The following CENPB variants were observed in gnomAD, a reference collection of about 807,000 sequenced individuals.
The protein encoded by CENPB is major centromere autoantigen B.
Under a neutral mutation model 41.9 loss-of-function variants are expected in CENPB, and 19 were observed. That is an observed-to-expected ratio of 0.45 (90% confidence interval 0.32 to 0.67). The LOEUF (loss-of-function observed/expected upper bound fraction) is 0.67, where lower values mean the gene tolerates loss of function less well. Among genes scored for constraint, CENPB ranks in the 30% least tolerant of loss-of-function variants. The probability of loss-of-function intolerance (pLI) is 0.04; values close to 1 mark genes in which losing one functional copy is unlikely to be tolerated. For missense variants in CENPB, 614 were observed against 816.2 expected, an observed-to-expected ratio of 0.75 and a Z score of 3.02; for synonymous variants, 399 against 354.4, an observed-to-expected ratio of 1.13 and a Z score of -1.41.
rs1380923882 is a variant in CENPB at position 3,785,829 on chromosome 20, G to A, written c.655C>T (p.Arg219Cys). The A allele has an allele frequency of 1.9e-6, 3 of 1,608,986 alleles. No homozygotes were observed. Among genetic ancestry groups the A allele is most frequent in the Non-Finnish European group, 2.5e-6 (3 of 1,178,168 alleles). The change falls in exon 1 of 1, where the codon CGT (arginine) becomes TGT (cysteine). Residue 219 changes from arginine (R) to cysteine (C), a missense_variant. Physicochemically the swap from Arg to Cys is radical, Grantham distance 180. Around this residue, in one of 2 missense-constraint regions of CENPB, gnomAD observed 537 missense variants for 629.4 expected, o/e 0.85. Transcript: ENST00000379751. The stretch of plus-strand genomic sequence containing the variant: ...ACGCTCAGGCGCTGGGTGGCTTGAC[G>A]CGGCCGTCCGTCGCCTCCGCACAGC... Reference protein sequence around the residue: ...AGLCGGDGRPRQATQRLSVLL... With the variant: ...AGLCGGDGRPCQATQRLSVLL...
At position 3,785,168 on chromosome 20, in the gene CENPB, C is replaced by T. The variant is rs1249512778; in HGVS notation, c.1316G>A (p.Gly439Glu). 7 of 1,109,818 alleles carry T rather than the reference C, an allele frequency of 6.3e-6. No individual in the cohort carries two copies. The South Asian group carries it at 6.7e-5, about 11-fold the overall frequency. 68.7% of individuals were successfully genotyped at this position (1,109,818 alleles called of 1,614,324 possible). Residue 439 changes from glycine (G) to glutamate (E), a missense_variant, in exon 1 of 1, where the codon GGA (glycine) becomes GAA (glutamate). Physicochemically the swap from Gly to Glu is moderately conservative, Grantham distance 98 (BLOSUM62 -2). Coordinates refer to ENST00000379751, the MANE Select transcript of CENPB (RefSeq NM_001810.6). ...GEEEEEEGGE[G>E]EELGEEEEVE... ...CTCCTCTTCCTCCCCCAATTCCTCT[C>T]CTTCCCCCCCTTCCTCCTCCTCCTC...
rs974688634 is a variant in CENPB at position 3,784,331 on chromosome 20, C to G, written c.*353G>C. On this transcript the variant is annotated 3_prime_UTR_variant, in exon 1 of 1. Coordinates refer to ENST00000379751, the MANE Select transcript of CENPB (RefSeq NM_001810.6). The surrounding 1 kb of genome is among the most constrained non-coding windows in gnomAD (Gnocchi z 5.2). ...ACGTGGATGGCAGAGGGGAGAGGCACTCTCCGGCCGGGAACCTCCAGGGCC... is the reference window on the plus strand; with the variant it reads ...ACGTGGATGGCAGAGGGGAGAGGCAGTCTCCGGCCGGGAACCTCCAGGGCC... The G allele has an allele frequency of 8.1e-6, 2 of 247,722 alleles. No homozygotes were observed. 15.3% of individuals were successfully genotyped at this position (247,722 alleles called of 1,614,324 possible).
Position 3,785,142 on chromosome 20 carries a change from C to T in CENPB, c.1342G>A (p.Val448Met). 6.3e-7 allele frequency: 1 copy of T among 1,584,616 alleles called. No homozygotes were observed. Among genetic ancestry groups the T allele is most frequent in the Non-Finnish European group, 8.6e-7 (1 of 1,163,726 alleles). ...CTATCAACATCACCCTCCTCCTCCA[C>T]CTCCTCTTCCTCCCCCAATTCCTCT... ...EGEELGEEEE[V>M]EEEGDVDSDE... The change falls in exon 1 of 1, where the codon GTG becomes ATG. Residue 448 changes from valine to methionine, a missense_variant. By Grantham distance (21) the Val-to-Met change is conservative. Coordinates refer to ENST00000379751, the MANE Select transcript of CENPB (RefSeq NM_001810.6).
Position 3,785,241 on chromosome 20 carries a change from C to G in CENPB, c.1243G>C (p.Glu415Gln), listed in dbSNP as rs529107942. Residue 415 changes from glutamate (E) to glutamine (Q), a missense_variant, in exon 1 of 1, where the codon GAG becomes CAG. Around this residue, in one of 2 missense-constraint regions of CENPB, gnomAD observed 537 missense variants for 629.4 expected, o/e 0.85. Transcript: ENST00000379751. ...GEEEEEEEEE[E>Q]EEEEGEGEEE... ...TCTCCTTCACCCTCTTCCTCCTCCT[C>G]TTCTTCCTCCTCCTCCTCCTCTTCC... 1.9e-6 allele frequency: 3 copies of G among 1,554,748 alleles called. No homozygotes were observed. In the South Asian group the frequency reaches 3.5e-5, roughly 18 times the overall value.
In CENPB at chr20:3,786,542, C is replaced by T. The variant is rs1021553230; in HGVS notation, c.-59G>A. On this transcript the variant is annotated 5_prime_UTR_variant, in exon 1 of 1. Transcript: ENST00000379751. ...GCCGCCGCCGCCCCGGGGCGGGGGG[C>T]CCGGGCCCGTGGCGGGGGGCACCTG... The T allele has an allele frequency of 9.2e-5, 48 of 523,710 alleles. No homozygotes were observed. The African/African-American group carries it at 1.0e-3, about 11-fold the overall frequency. The allele number at this position is 523,710 out of a possible 1,614,324, so 32.4% of individuals were successfully genotyped here.
At position 3,785,594 on chromosome 20, in the gene CENPB, C is replaced by T; in HGVS notation, c.890G>A (p.Gly297Asp). 3 of 1,601,216 alleles carry T rather than the reference C, an allele frequency of 1.9e-6. No homozygotes were observed. Among genetic ancestry groups the T allele is most frequent in the South Asian group, 1.1e-5 (1 of 89,566 alleles). ...GTCCAAGGACTGGGCAGCCAAGCGG[C>T]CGGCCAACAGCAGGACCCGGCGAGA... ...AESRRVLLLAGRLAAQSLDTS... is the reference protein window; with the variant it reads ...AESRRVLLLADRLAAQSLDTS... Residue 297 changes from glycine (G) to aspartate (D), a missense_variant, in exon 1 of 1, where the codon GGC becomes GAC. Transcript: ENST00000379751.
At position 3,785,587 on chromosome 20, in the gene CENPB, C is replaced by T; in HGVS notation, c.897G>A (p.Leu299=). Residue 299 remains leucine, a synonymous_variant, in exon 1 of 1, where the codon TTG becomes TTA. Transcript: ENST00000379751. ...CCGAGGTGTCCAAGGACTGGGCAGC[C>T]AAGCGGCCGGCCAACAGCAGGACCC... ...SRRVLLLAGR[L]AAQSLDTSGL... 6.2e-7 allele frequency: 1 copy of T among 1,601,062 alleles called. No homozygotes were observed. The highest frequency in any genetic ancestry group is 8.5e-7 in the Non-Finnish European group (1 of 1,174,356).
chr20:3,784,455 A>T lies in CENPB; in HGVS notation c.*229T>A. The T allele has an allele frequency of 1.9e-6, 1 of 538,114 alleles. No homozygotes were observed. Among genetic ancestry groups the T allele is most frequent in the Non-Finnish European group, 3.3e-6 (1 of 301,270 alleles). 33.3% of individuals were successfully genotyped at this position (538,114 alleles called of 1,614,324 possible). ...CACCTGGTCCCCTGAGCCCAGGGCC[A>T]AATGGGGAGGAAAGAGGATTCTGAG... On this transcript the variant is annotated 3_prime_UTR_variant, in exon 1 of 1. Coordinates refer to ENST00000379751, the MANE Select transcript of CENPB (RefSeq NM_001810.6). This position sits in a 1 kb window ranked among gnomAD's most constrained non-coding sequence, Gnocchi z 5.2.
Position 3,786,492 on chromosome 20 carries a change from G to GC in CENPB, c.-10dup. 5.1e-6 allele frequency: 6 copies of GC among 1,176,980 alleles called. No homozygotes were observed. The highest frequency in any genetic ancestry group is 4.4e-6 in the Non-Finnish European group (4 of 916,824). The allele number at this position is 1,176,980 out of a possible 1,614,324, so 72.9% of individuals were successfully genotyped here. A position where few individuals can be genotyped will look rare whatever the true frequency, so the allele number is the denominator to read the frequency against. On this transcript the variant is annotated 5_prime_UTR_variant, in exon 1 of 1. Coordinates refer to ENST00000379751, the MANE Select transcript of CENPB (RefSeq NM_001810.6). The stretch of plus-strand genomic sequence containing the variant: ...CGCCTCTTGGGGCCCATCCCGGCGC[G>GC]CCCCCCGCCCCGGGGCCCGGCGCCG...
rs749565823 is a variant in CENPB, at chr20:3,784,863, C to T, written c.1621G>A (p.Val541Ile). The change falls in exon 1 of 1, where the codon GTA becomes ATA. Residue 541 changes from valine to isoleucine, a missense_variant. Val to Ile is a conservative substitution (Grantham distance 29). Around this residue, in one of 2 missense-constraint regions of CENPB, gnomAD observed 537 missense variants for 629.4 expected, o/e 0.85. Transcript: ENST00000379751. This position sits in a 1 kb window ranked among gnomAD's most constrained non-coding sequence, Gnocchi z 5.2. The part of the protein sequence containing the change: ...DDEEDGDEVP[V>I]PSFGEAMAYF... Reference sequence around the variant, plus strand: ...GCCATGGCCTCCCCAAAGCTGGGTACAGGCACCTCATCACCATCCTCCTCA... The same window carrying T: ...GCCATGGCCTCCCCAAAGCTGGGTATAGGCACCTCATCACCATCCTCCTCA... 1.2e-6 allele frequency: 2 copies of T among 1,614,084 alleles called. No individual in the cohort carries two copies. The highest frequency in any genetic ancestry group is 8.5e-7 in the Non-Finnish European group (1 of 1,179,982).
Position 3,786,578 on chromosome 20 carries a change from C to G in CENPB, c.-95G>C. ...GGCGGGGGGCACCTGGCGGCCTCTC[C>G]CGCGCGCCCCGCCCGAGACAAAGCG... On this transcript the variant is annotated 5_prime_UTR_variant, in exon 1 of 1. Coordinates refer to ENST00000379751, the MANE Select transcript of CENPB (RefSeq NM_001810.6). 1 of 267,342 alleles carries G rather than the reference C, an allele frequency of 3.7e-6. No individual in the cohort carries two copies. Among genetic ancestry groups the G allele is most frequent in the Non-Finnish European group, 5.6e-6 (1 of 178,166 alleles). 16.6% of individuals were successfully genotyped at this position (267,342 alleles called of 1,614,324 possible). A position where few individuals can be genotyped will look rare whatever the true frequency, so the allele number is the denominator to read the frequency against.
rs373678745 is a variant in CENPB at position 3,785,081 on chromosome 20, G to C, written c.1403C>G (p.Ser468Trp). The C allele has an allele frequency of 1.9e-6, 3 of 1,613,082 alleles. No individual in the cohort carries two copies. The highest frequency in any genetic ancestry group is 1.7e-5 in the Admixed American group (1 of 59,886). Reference protein sequence around the residue: ...EEEEEDEESSSEGLEAEDWAQ... With the variant: ...EEEEEDEESSWEGLEAEDWAQ... ...CCAGTCCTCAGCCTCCAAGCCCTCCGAGGAGCTCTCCTCATCTTCCTCCTC... is the reference window on the plus strand; with the variant it reads ...CCAGTCCTCAGCCTCCAAGCCCTCCCAGGAGCTCTCCTCATCTTCCTCCTC... The change falls in exon 1 of 1, where the codon TCG (serine) becomes TGG (tryptophan). Residue 468 changes from serine to tryptophan, a missense_variant. Ser to Trp is a radical substitution (Grantham distance 177, BLOSUM62 -3). Transcript: ENST00000379751.
chr20:3,786,462 G>C lies in CENPB; in HGVS notation c.22C>G (p.Leu8Val). 6.4e-7 allele frequency: 1 copy of C among 1,554,054 alleles called. No individual in the cohort carries two copies. The highest frequency in any genetic ancestry group is 8.7e-7 in the Non-Finnish European group (1 of 1,155,720). The change falls in exon 1 of 1, where the codon CTG (leucine) becomes GTG (valine). Residue 8 changes from leucine (L) to valine (V), a missense_variant. Around this residue, in one of 2 missense-constraint regions of CENPB, gnomAD observed 77 missense variants for 186.8 expected, o/e 0.41. Transcript: ENST00000379751. MGPKRRQ[L>V]TFREKSRIIQ... ...ATCCGTGACTTCTCCCGGAACGTCA[G>C]CTGTCGCCTCTTGGGGCCCATCCCG...
At position 3,785,719 on chromosome 20, in the gene CENPB, G is replaced by A; in HGVS notation, c.765C>T (p.Ala255=). The A allele has an allele frequency of 6.2e-7, 1 of 1,607,108 alleles. No homozygotes were observed. The highest frequency in any genetic ancestry group is 2.2e-5 in the East Asian group (1 of 44,730). The change falls in exon 1 of 1, where the codon GCC becomes GCT. Residue 255 remains alanine (A), a synonymous_variant. Coordinates refer to ENST00000379751, the MANE Select transcript of CENPB (RefSeq NM_001810.6). ...GKSAKPRAGQ[A]GLPCDYTANS... ...TGGCGGTGTAGTCGCAGGGCAGGCC[G>A]GCTTGGCCTGCGCGGGGCTTGGCCG...
rs1482800155 is a variant in CENPB, at chr20:3,785,264, TCCTCTC to T, written c.1214_1219del (p.Gly405_Glu406del). On this transcript the variant is annotated inframe_deletion, in exon 1 of 1. Transcript: ENST00000379751. ...CTCTTCTTCCTCCTCCTCCTCCTCT[TCCTCTC>T]CCTCACTCTTGAGGGAAGTGGTGAT... 5.7e-6 allele frequency: 9 copies of T among 1,573,262 alleles called. No homozygotes were observed. The highest frequency in any genetic ancestry group is 4.1e-5 in the African/African-American group (3 of 73,352).
In CENPB at chr20:3,785,836, T is replaced by G. The variant is rs1313798901; in HGVS notation, c.648A>C (p.Gly216=). The G allele has an allele frequency of 2.5e-6, 4 of 1,608,604 alleles. No homozygotes were observed. The African/African-American group carries it at 5.4e-5, about 22-fold the overall frequency. Residue 216 remains glycine (G), a synonymous_variant, in exon 1 of 1, where the codon GGA becomes GGC. Transcript: ENST00000379751. ...DQAAGLCGGD[G]RPRQATQRLS... is the part of the protein sequence containing the mutation. ...GGCGCTGGGTGGCTTGACGCGGCCGTCCGTCGCCTCCGCACAGCCCCGCGG... is the reference window on the plus strand; with the variant it reads ...GGCGCTGGGTGGCTTGACGCGGCCGGCCGTCGCCTCCGCACAGCCCCGCGG...
chr20:3,784,997 G>GCTTC lies in CENPB; in HGVS notation c.1483_1486dup (p.Ala496GlyfsTer17). ...CAGGAAATGCAGAGTAGGGCACTGGGCTTCCTCCTGGGCACCATAAGCCCC... is the reference window on the plus strand; with the variant it reads ...CAGGAAATGCAGAGTAGGGCACTGGGCTTCCTTCCTCCTGGGCACCATAAGCCCC... On this transcript the variant is annotated frameshift_variant, in exon 1 of 1. Coordinates refer to ENST00000379751, the MANE Select transcript of CENPB (RefSeq NM_001810.6). LOFTEE classifies it high-confidence loss of function. The surrounding 1 kb of genome is among the most constrained non-coding windows in gnomAD (Gnocchi z 5.2). The GCTTC allele has an allele frequency of 6.2e-7, 1 of 1,613,878 alleles. No individual in the cohort carries two copies.
chr20:3,785,470 G>A lies in CENPB; in HGVS notation c.1014C>T (p.Arg338=), dbSNP rs1287513310. 6.3e-7 allele frequency: 1 copy of A among 1,590,208 alleles called. No individual in the cohort carries two copies. Among genetic ancestry groups the A allele is most frequent in the South Asian group, 1.1e-5 (1 of 87,900 alleles). Residue 338 remains arginine, a synonymous_variant, in exon 1 of 1, where the codon CGC becomes CGT. Coordinates refer to ENST00000379751, the MANE Select transcript of CENPB (RefSeq NM_001810.6). ...CCATGGCCTTGAGCAGCATGGCCTG[G>A]CGGTAGTGGCCCTTCACCTGCTGGA... The part of the protein sequence containing the change: ...GVVQQVKGHY[R]QAMLLKAMAA...
Position 3,784,781 on chromosome 20 carries a change from T to C in CENPB, c.1703A>G (p.Gln568Arg). The stretch of plus-strand genomic sequence containing the variant: ...GTGTTCCAAGTGGAGGATGTGGCTC[T>C]GCACGCGGTCATCAATGGGGAAGGA... ...LTSFPIDDRV[Q>R]SHILHLEHDL... Residue 568 changes from glutamine (Q) to arginine (R), a missense_variant, in exon 1 of 1, where the codon CAG becomes CGG. Physicochemically the swap from Gln to Arg is conservative, Grantham distance 43. Coordinates refer to ENST00000379751, the MANE Select transcript of CENPB (RefSeq NM_001810.6). The surrounding 1 kb of genome is among the most constrained non-coding windows in gnomAD (Gnocchi z 5.2). The C allele has an allele frequency of 6.2e-7, 1 of 1,614,202 alleles. No individual in the cohort carries two copies. Among genetic ancestry groups the C allele is most frequent in the Non-Finnish European group, 8.5e-7 (1 of 1,180,034 alleles).
Sources: allele counts gnomAD v4.1 joint callset, GRCh38; gene constraint gnomAD v4.1.1; regional missense constraint gnomAD v4.1.1; non-coding constraint Gnocchi (gnomAD v3.1); transcripts MANE v1.5; gene names NCBI Gene and HGNC (gene_info 2026-07-23, HGNC 2026-07-21).